FBXO4: variants seen among roughly 807,000 people sequenced by gnomAD.
The protein encoded by FBXO4 is F-box only protein 4.
FBXO4 carries 36 observed loss-of-function variants against 43.7 expected under a neutral mutation model. The observed-to-expected ratio is 0.82, with a 90% CI of 0.63 to 1.09. The LOEUF (loss-of-function observed/expected upper bound fraction) is 1.09, where lower values mean the gene tolerates loss of function less well. FBXO4 is among the 50% of genes least tolerant of loss of function. FBXO4 has a pLI of 0.00. For synonymous variants in FBXO4, 180 were observed against 165.6 expected, an observed-to-expected ratio of 1.09 and a Z score of -0.67; for missense variants, 435 against 474.1, an observed-to-expected ratio of 0.92 and a Z score of 0.77.
chr5:42,019,822 T>G, the FBXO4 span, among the ~76,000 whole-genome samples: 1 of 152,246 alleles, frequency 6.6e-6, no homozygotes, highest in African/African-American at 2.4e-5. Flanking sequence ...TCTATATTCT[T>G]TCATGTTTTT....
At chr5:42,011,475 C>A in the FBXO4 span, among the ~76,000 whole-genome samples, 2 of 152,210 alleles carry the variant, frequency 1.3e-5, no homozygotes, top group African/African-American at 4.8e-5. Context: ...AAATAAATAT[C>A]TTTTCTTTAT....
At chr5:41,978,014 C>T in the FBXO4 span, among the ~76,000 whole-genome samples, 9 of 152,094 alleles carry the variant, frequency 5.9e-5, no homozygotes, top group African/African-American at 2.2e-4. Flanking sequence ...TTAATTAGCA[C>T]ACAGTTCTGC....
chr5:41,933,039 C>A (rs1751739458), intron 3 of FBXO4, among the ~76,000 whole-genome samples: 2 of 152,168 alleles, frequency 1.3e-5, no homozygotes, highest in Admixed American at 1.3e-4. Context: ...CTCGTTTAAT[C>A]TTCCCAGTAA....
At chr5:41,986,439 G>A in the FBXO4 span, among the ~76,000 whole-genome samples, 1 of 152,096 alleles carries the variant, frequency 6.6e-6, no homozygotes, top group South Asian at 2.1e-4. Context: ...AACAAAGAAG[G>A]ATTGAGTTAT....
the FBXO4 span, among the ~76,000 whole-genome samples, chr5:41,978,147 A>G: frequency 4.6e-5 from 7 of 152,262 alleles, no homozygotes; most frequent in South Asian, 1.5e-3. Flanking sequence ...TGGAAGCAAG[A>G]TACAGATGGG....
At chr5:41,937,259 AC>A (rs1751874916) in intron 5 of FBXO4, among the ~76,000 whole-genome samples, 1 of 152,206 alleles carries the variant, frequency 6.6e-6, no homozygotes, top group Non-Finnish European at 1.5e-5. Context: ...GATAAAGAGA[AC>A]ATCTTTAACG....
the FBXO4 span, among the ~76,000 whole-genome samples, chr5:41,996,952 T>C: frequency 6.6e-6 from 1 of 152,236 alleles, no homozygotes; most frequent in Admixed American, 6.5e-5. Context: ...ACGTCATCAA[T>C]GTAATGGACC....
At chr5:42,028,600 TC>T in the FBXO4 span, among the ~76,000 whole-genome samples, 1 of 151,874 alleles carries the variant, frequency 6.6e-6, no homozygotes, top group African/African-American at 2.4e-5. Flanking sequence ...GCTCATCTCT[TC>T]CTTTTTTCTT....
In FBXO4 at chr5:41,926,941, A is replaced by T. The variant is rs560255836; in HGVS notation, c.190-72A>T. On this transcript the variant is annotated intron_variant, in intron 1 of 6. Coordinates refer to ENST00000281623, the MANE Select transcript of FBXO4 (RefSeq NM_012176.3). ...TTGACCTTTTGTTATTTATTTGTTG[A>T]TTATGTGGTTTATCACCCAAAAACT... 2.1e-5 allele frequency: 17 copies of T among 821,930 alleles called. No individual in the cohort carries two copies. The South Asian group carries it at 3.1e-4, about 15-fold the overall frequency. The allele number at this position is 821,930 out of a possible 1,614,324, so 50.9% of individuals were successfully genotyped here.
the FBXO4 span, among the ~76,000 whole-genome samples, chr5:42,024,659 A>G: frequency 2.6e-5 from 4 of 151,926 alleles, no homozygotes; most frequent in African/African-American, 7.2e-5. Flanking sequence ...TTCTTTATAA[A>G]TATTTTGGAC....
the FBXO4 span, among the ~76,000 whole-genome samples, chr5:41,978,443 A>G: frequency 6.6e-6 from 1 of 152,266 alleles, no homozygotes; most frequent in African/African-American, 2.4e-5. Flanking sequence ...AAGAAAATAT[A>G]GAAAGAAGAA....
intron 3 of FBXO4, among the ~76,000 whole-genome samples, chr5:41,931,939 A>AT (rs1751699337): frequency 1.3e-5 from 2 of 152,194 alleles, no homozygotes; most frequent in Admixed American, 1.3e-4. Context: ...TAGATATGGC[A>AT]TTGGGAGTTA....
the FBXO4 span, among the ~76,000 whole-genome samples, chr5:42,018,006 T>TC: frequency 6.6e-6 from 1 of 151,782 alleles, no homozygotes; most frequent in Non-Finnish European, 1.5e-5. Flanking sequence ...AGATTTAGAA[T>TC]CTAAGAATTG....
chr5:41,962,414 A>G, the FBXO4 span, among the ~76,000 whole-genome samples: 1 of 152,144 alleles, frequency 6.6e-6, no homozygotes, highest in Non-Finnish European at 1.5e-5. Flanking sequence ...GAGTGCCTAG[A>G]GAATTTTGTT....
At chr5:41,929,970 T>A (rs1284274047) in intron 3 of FBXO4, 53 bp downstream of exon 3, 1 of 1,344,272 alleles carries the variant, frequency 7.4e-7, no homozygotes, top group African/African-American at 1.5e-5. Flanking sequence ...CTTGACATTC[T>A]TGTTAAAAAG....
At chr5:42,003,339 A>G in the FBXO4 span, among the ~76,000 whole-genome samples, 136 of 152,258 alleles carry the variant, frequency 8.9e-4, no homozygotes, top group African/African-American at 3.2e-3. Context: ...TTACCATGGA[A>G]TTTTTTAACT....
chr5:42,010,785 G>A, the FBXO4 span, among the ~76,000 whole-genome samples: 16 of 151,854 alleles, frequency 1.1e-4, 1 homozygote, highest in African/African-American at 3.9e-4. Context: ...TTTTCATAGG[G>A]GCTGCATCAT....
the FBXO4 span, among the ~76,000 whole-genome samples, chr5:41,976,226 C>T: frequency 2.0e-5 from 3 of 152,266 alleles, no homozygotes; most frequent in African/African-American, 7.2e-5. Context: ...TATCATTCAT[C>T]CCCTGACCCA....
chr5:41,977,077 G>A, the FBXO4 span, among the ~76,000 whole-genome samples: 1 of 152,190 alleles, frequency 6.6e-6, no homozygotes, highest in African/African-American at 2.4e-5. Context: ...GCAGTGTTCT[G>A]AGACTGAGAA....
Sources: allele counts gnomAD v4.1 joint callset (sites outside exome capture counted in the v4.1 genomes callset), GRCh38; gene constraint gnomAD v4.1.1; transcripts MANE v1.5; gene names NCBI Gene and HGNC (gene_info 2026-07-23, HGNC 2026-07-21).